Variants in LARGE1 observed in about 807,000 individuals in gnomAD.
The protein encoded by LARGE1 is LARGE xylosyl- and glucuronyltransferase 1, also known as xylosyl- and glucuronyltransferase LARGE1.
Under a neutral mutation model 87.6 loss-of-function variants are expected in LARGE1, and 43 were observed. The observed-to-expected ratio is 0.49, with a 90% confidence interval of 0.38 to 0.63. LARGE1 has a LOEUF of 0.63. Ranked by LOEUF, LARGE1 falls within the 30% of genes least tolerant of loss-of-function variation. The pLI, the probability that LARGE1 is intolerant of heterozygous loss-of-function variation, is 0.00. For missense variants in LARGE1, 802 were observed against 1,000.2 expected (o/e 0.80, Z 2.67); for synonymous variants, 434 against 394.6 (o/e 1.10, Z -1.18).
chr22:33,760,296 G>A (rs2084675034), intron 2 of LARGE1, among the ~76,000 whole-genome samples: 2 of 152,116 alleles, frequency 1.3e-5, no homozygotes, highest in Non-Finnish European at 1.5e-5. Flanking sequence ...TATTTGAAAC[G>A]GCTGGCTAGA....
intron 2 of LARGE1, among the ~76,000 whole-genome samples, chr22:33,706,335 G>C (rs972983351): frequency 1.3e-5 from 2 of 152,262 alleles, no homozygotes; most frequent in South Asian, 2.1e-4. Context: ...GAGGGACCTC[G>C]TCAGGGCCTG....
chr22:33,218,442 T>C (rs1357856235), intron 11 of LARGE1, among the ~76,000 whole-genome samples: 3 of 152,204 alleles, frequency 2.0e-5, no homozygotes, highest in African/African-American at 7.2e-5. Flanking sequence ...AAAACCCAGT[T>C]CATAGGTCAA....
chr22:33,381,278 T>G (rs2065146370), intron 9 of LARGE1, among the ~76,000 whole-genome samples: 1 of 152,196 alleles, frequency 6.6e-6, no homozygotes, highest in African/African-American at 2.4e-5. Context: ...CAGAATAGCT[T>G]GTTATGCAGC....
Position 33,745,979 on chromosome 22 carries a change from T to C in LARGE1, c.106+15392A>G, listed in dbSNP as rs2084067434. Among the ~76,000 whole-genome samples the C allele has an allele frequency of 2.0e-5, 3 of 152,112 alleles. No individual in the cohort carries two copies. The South Asian group carries it at 6.2e-4, about 32-fold the overall frequency. ...ACCCATTTAAGAAATGAAAGAAACCTTAGAGAGATCACACAAGGCATGCCT... is the reference window on the plus strand; with the variant it reads ...ACCCATTTAAGAAATGAAAGAAACCCTAGAGAGATCACACAAGGCATGCCT... On this transcript the variant is annotated intron_variant, in intron 2 of 14. Transcript: ENST00000397394.
At chr22:33,420,623 C>G (rs2066657541) in intron 7 of LARGE1, among the ~76,000 whole-genome samples, 2 of 152,264 alleles carry the variant, frequency 1.3e-5, no homozygotes, top group South Asian at 4.1e-4. Flanking sequence ...AGAAGGAAGA[C>G]AGTTTCTCCC....
chr22:33,301,532 T>C (rs1263639942), intron 12 of LARGE1, among the ~76,000 whole-genome samples: 1 of 151,976 alleles, frequency 6.6e-6, no homozygotes, highest in East Asian at 1.9e-4. Flanking sequence ...TCTTGAAAAA[T>C]ATGAATACCT....
chr22:33,254,737 G>A (rs901069375), intron 11 of LARGE1, among the ~76,000 whole-genome samples: 1 of 152,184 alleles, frequency 6.6e-6, no homozygotes. Flanking sequence ...ACTTAGGACA[G>A]TCTCTGGTCC....
At chr22:33,878,129 CTTTTTTTTTTT>C (rs1186663464) in intron 1 of LARGE1, among the ~76,000 whole-genome samples, 10 of 44,652 alleles carry the variant, frequency 2.2e-4, no homozygotes, top group East Asian at 2.1e-3. Flanking sequence ...TATTGTATTT[CTTTTTTTTTTT>C]TTTTTTTTTT....
intron 2 of LARGE1, chr22:33,725,055 G>A (rs1274418423): frequency 1.3e-5 from 2 of 153,038 alleles, no homozygotes; most frequent in African/African-American, 4.8e-5. Flanking sequence ...ATTCCCAGAA[G>A]CGGGGCCAGG....
intron 6 of LARGE1, among the ~76,000 whole-genome samples, chr22:33,547,018 G>A (rs755728291): frequency 3.3e-5 from 5 of 151,832 alleles, no homozygotes; most frequent in Non-Finnish European, 7.4e-5. Flanking sequence ...CCAGTTAGAA[G>A]ATTTTAGTAT....
chr22:33,917,234 C>T (rs894058924), intron 1 of LARGE1, among the ~76,000 whole-genome samples: 3 of 152,180 alleles, frequency 2.0e-5, no homozygotes, highest in Non-Finnish European at 4.4e-5. Context: ...CTCTTCTTGG[C>T]CTCTACCTTG....
chr22:33,413,588 C>T (rs1482225182), intron 7 of LARGE1, among the ~76,000 whole-genome samples: 1 of 152,058 alleles, frequency 6.6e-6, no homozygotes. Context: ...CCTCAGCCTC[C>T]TGAGTACCCG....
In LARGE1 at chr22:33,540,303, C is replaced by A. The variant is rs1030442801; in HGVS notation, c.787+24545G>T. Among the ~76,000 whole-genome samples the A allele has an allele frequency of 1.0e-3, 152 of 152,322 alleles. 1 individual carries two copies. Among genetic ancestry groups the A allele is most frequent in the African/African-American group, 3.5e-3 (147 of 41,580 alleles). On this transcript the variant is annotated intron_variant, in intron 6 of 14. Coordinates refer to ENST00000397394, the MANE Select transcript of LARGE1 (RefSeq NM_133642.5). ...GAGGCCGGGCCTTGCCAAGTCCCCC[C>A]CTGTGCTGTTTGCTAGTGAAGAGTT...
intron 1 of LARGE1, among the ~76,000 whole-genome samples, chr22:33,915,931 G>T (rs2065773740): frequency 6.6e-6 from 1 of 152,058 alleles, no homozygotes; most frequent in African/African-American, 2.4e-5. Flanking sequence ...ACTCTCCTGG[G>T]AAGTTCAAAC....
intron 3 of LARGE1, among the ~76,000 whole-genome samples, chr22:33,626,811 C>A (rs934935179): frequency 3.3e-5 from 5 of 152,156 alleles, no homozygotes; most frequent in African/African-American, 1.2e-4. Flanking sequence ...ACCTCCGCAC[C>A]CCATCTGGGA....
chr22:33,172,564 A>T (rs375864994), intron 11 of LARGE1, among the ~76,000 whole-genome samples: 4 of 151,828 alleles, frequency 2.6e-5, no homozygotes, highest in African/African-American at 9.7e-5. Flanking sequence ...CTGCAATAGA[A>T]TTTTTTCTGG....
At chr22:33,313,055 G>A (rs978973056) in intron 11 of LARGE1, among the ~76,000 whole-genome samples, 3 of 152,098 alleles carry the variant, frequency 2.0e-5, no homozygotes, top group African/African-American at 7.2e-5. Context: ...TGAGCTGGAA[G>A]GGCTGGCCAC....
chr22:33,166,595 C>T (rs117128328), exon 12 of LARGE1: 5 of 370,180 alleles, frequency 1.4e-5, no homozygotes, highest in African/African-American at 8.5e-5. Context: ...AATCTTACCA[C>T]GGGGATGATG....
intron 5 of LARGE1, among the ~76,000 whole-genome samples, chr22:33,599,149 T>C (rs1224876101): frequency 1.3e-5 from 2 of 152,108 alleles, no homozygotes; most frequent in African/African-American, 4.8e-5. Flanking sequence ...GTCTACTGAA[T>C]TATACAATCC....
Sources: allele counts gnomAD v4.1 joint callset (sites outside exome capture counted in the v4.1 genomes callset), GRCh38; gene constraint gnomAD v4.1.1; transcripts MANE v1.5; gene names NCBI Gene and HGNC (gene_info 2026-07-23, HGNC 2026-07-21).